Variants in ASTN1 observed in about 807,000 individuals in gnomAD.
The protein encoded by ASTN1 is astrotactin-1.
In ASTN1, 41 loss-of-function variants were observed where a neutral mutation model predicts 140.7. That is an observed-to-expected ratio of 0.29 (90% confidence interval 0.23 to 0.38). ASTN1 has a LOEUF of 0.38. ASTN1 is among the 10% of genes least tolerant of loss of function. The probability of loss-of-function intolerance (pLI) is 1.00; values close to 1 mark genes in which losing one functional copy is unlikely to be tolerated. For missense variants in ASTN1, 1,479 were observed against 1,678.8 expected (o/e 0.88, Z 2.08); for synonymous variants, 640 against 652.2 (o/e 0.98, Z 0.29).
At chr1:177,100,921 C>T (rs557574179) in intron 1 of ASTN1, among the ~76,000 whole-genome samples, 12 of 152,164 alleles carry the variant, frequency 7.9e-5, no homozygotes, top group South Asian at 2.1e-4. Flanking sequence ...GGTAAAACTC[C>T]GTCTCTAATA....
At chr1:176,887,862 T>C (rs573498230) in intron 18 of ASTN1, among the ~76,000 whole-genome samples, 1 of 152,290 alleles carries the variant, frequency 6.6e-6, no homozygotes, top group East Asian at 1.9e-4. Context: ...CTTCACACTT[T>C]CTTTAAATGC....
chr1:176,906,299 G>A (rs1669996854), intron 16 of ASTN1, among the ~76,000 whole-genome samples: 2 of 152,176 alleles, frequency 1.3e-5, no homozygotes, highest in African/African-American at 2.4e-5. Flanking sequence ...TGAATTCTGT[G>A]TATTTTCAGA....
At chr1:177,103,499 CTT>C (rs1680397274) in intron 1 of ASTN1, among the ~76,000 whole-genome samples, 2 of 152,106 alleles carry the variant, frequency 1.3e-5, no homozygotes, top group African/African-American at 2.4e-5. Context: ...CATGGAGACT[CTT>C]TGACCTAAAA....
intron 17 of ASTN1, among the ~76,000 whole-genome samples, chr1:176,891,621 C>A (rs2103035436): frequency 6.6e-6 from 1 of 152,164 alleles, no homozygotes; most frequent in East Asian, 1.9e-4. Context: ...TGGAGAAACC[C>A]CATCTCTACC....
intron 16 of ASTN1, among the ~76,000 whole-genome samples, chr1:176,909,161 G>A (rs368398479): frequency 7.2e-5 from 11 of 152,208 alleles, no homozygotes; most frequent in African/African-American, 2.7e-4. Flanking sequence ...GGAGGGAGCA[G>A]ACTATGGGCC....
intron 2 of ASTN1, among the ~76,000 whole-genome samples, 181 bp from the exon 3 acceptor site, chr1:177,033,030 T>G (rs552992931): frequency 6.6e-6 from 1 of 152,038 alleles, no homozygotes; most frequent in African/African-American, 2.4e-5. Flanking sequence ...GACTGGTATT[T>G]AGGGTGAGAG....
At chr1:177,073,624 C>T (rs1412667009) in intron 1 of ASTN1, among the ~76,000 whole-genome samples, 1 of 148,984 alleles carries the variant, frequency 6.7e-6, no homozygotes, top group African/African-American at 2.5e-5. Context: ...ACCACACCTA[C>T]TTCCTACTGA....
chr1:176,899,643 C>G (rs1669680783), intron 16 of ASTN1, among the ~76,000 whole-genome samples: 1 of 152,140 alleles, frequency 6.6e-6, no homozygotes, highest in African/African-American at 2.4e-5. Context: ...AGCACAGCCA[C>G]CCTGAAGCCC....
chr1:176,929,362 G>T (rs1033673629), intron 16 of ASTN1, among the ~76,000 whole-genome samples: 1 of 152,206 alleles, frequency 6.6e-6, no homozygotes, highest in Non-Finnish European at 1.5e-5. Context: ...AGGCTATGTG[G>T]CTCAGAGACT....
At chr1:176,990,930 AAAG>A (rs1674128544) in intron 8 of ASTN1, among the ~76,000 whole-genome samples, 1 of 152,228 alleles carries the variant, frequency 6.6e-6, no homozygotes, top group Non-Finnish European at 1.5e-5. Context: ...TTTAGATATT[AAAG>A]ATGATGGCCA....
At chr1:177,085,975 T>C (rs1679445949) in intron 1 of ASTN1, among the ~76,000 whole-genome samples, 1 of 152,166 alleles carries the variant, frequency 6.6e-6, no homozygotes, top group Admixed American at 6.5e-5. Flanking sequence ...AATTAAGTTG[T>C]TGAACTCTTC....
At chr1:176,910,401 C>T (rs1670182489) in intron 16 of ASTN1, among the ~76,000 whole-genome samples, 1 of 152,090 alleles carries the variant, frequency 6.6e-6, no homozygotes, top group Non-Finnish European at 1.5e-5. Context: ...CCTAACAAAC[C>T]CCACTCAATT....
rs150656548 is a variant in ASTN1, at chr1:176,932,123, TA to T, written c.2671+2028del. 7.1e-3 allele frequency among the ~76,000 whole-genome samples: 1,084 copies of T among 152,292 alleles called. 12 individuals carry two copies. The highest frequency in any genetic ancestry group is 0.025 in the African/African-American group (1,040 of 41,566). ...TAAACTTCCTTTCCTATTCAATCCA[TA>T]CGTAATTTTAGGTATCTAGTCATAG... On this transcript the variant is annotated intron_variant, in intron 16 of 22. Transcript: ENST00000361833.
At chr1:176,940,772 T>A (rs537145435) in intron 14 of ASTN1, among the ~76,000 whole-genome samples, 1 of 152,328 alleles carries the variant, frequency 6.6e-6, no homozygotes, top group South Asian at 2.1e-4. Flanking sequence ...TAGTTCAGTA[T>A]TTTCCAGTGT....
rs1239761859 is a variant in ASTN1 at position 176,867,259 on chromosome 1, A to G, written c.3647+1585T>C. On this transcript the variant is annotated intron_variant, in intron 22 of 22. Transcript: ENST00000361833. The stretch of plus-strand genomic sequence containing the variant: ...CAAATTGTGACATTTATGTTCCCTG[A>G]AAAAGAACGGTATATATACACTCAA... Among the ~76,000 whole-genome samples, 7 of 152,280 alleles carry G rather than the reference A, an allele frequency of 4.6e-5. No individual in the cohort carries two copies. The East Asian group carries it at 1.2e-3, about 25-fold the overall frequency.
intron 1 of ASTN1, among the ~76,000 whole-genome samples, chr1:177,071,216 G>C (rs1399761671): frequency 6.6e-6 from 1 of 152,078 alleles, no homozygotes; most frequent in African/African-American, 2.4e-5. Flanking sequence ...CTTGGCTATG[G>C]GGGCTTTCAC....
At chr1:177,161,051 A>C (rs546720702) in intron 1 of ASTN1, among the ~76,000 whole-genome samples, 1 of 152,284 alleles carries the variant, frequency 6.6e-6, no homozygotes, top group African/African-American at 2.4e-5. Context: ...CTTGAATCAC[A>C]ATTTGCAAAC....
intron 1 of ASTN1, among the ~76,000 whole-genome samples, chr1:177,144,741 A>C (rs1395694990): frequency 2.0e-5 from 3 of 151,858 alleles, no homozygotes; most frequent in African/African-American, 4.8e-5. Context: ...GCCCCCTCCC[A>C]CACAGATGCT....
At chr1:177,142,910 GA>G (rs777448943) in intron 1 of ASTN1, among the ~76,000 whole-genome samples, 5,364 of 115,340 alleles carry the variant, frequency 0.047, 171 homozygotes, top group African/African-American at 0.18. Flanking sequence ...AAAAGGGGGG[GA>G]GGGGTGCTGA....
Sources: allele counts gnomAD v4.1 joint callset (sites outside exome capture counted in the v4.1 genomes callset), GRCh38; gene constraint gnomAD v4.1.1; transcripts MANE v1.5; gene names NCBI Gene and HGNC (gene_info 2026-07-23, HGNC 2026-07-21).